Variants in FBXL17 observed in about 807,000 individuals in gnomAD.
FBXL17 encodes F-box/LRR-repeat protein 17.
Under a neutral mutation model 66.2 loss-of-function variants are expected in FBXL17, and 22 were observed. The ratio of observed to expected loss-of-function variants is 0.33; its 90% confidence interval spans 0.24 to 0.47. The LOEUF (loss-of-function observed/expected upper bound fraction) is 0.47, where lower values mean the gene tolerates loss of function less well. Among genes scored for constraint, FBXL17 ranks in the 20% least tolerant of loss-of-function variants. The pLI is 1.00. For synonymous variants in FBXL17, 474 were observed against 400.5 expected, an observed-to-expected ratio of 1.18 and a Z score of -2.19; for missense variants, 878 against 948.2, an observed-to-expected ratio of 0.93 and a Z score of 0.97.
chr5:108,121,180 T>C (rs922497776), intron 6 of FBXL17, among the ~76,000 whole-genome samples: 3 of 151,454 alleles, frequency 2.0e-5, no homozygotes, highest in Non-Finnish European at 4.4e-5. Flanking sequence ...ATACAAAAAT[T>C]AGCTAGGCAT....
chr5:108,376,878 C>T (rs555324377), intron 1 of FBXL17, among the ~76,000 whole-genome samples: 12 of 150,016 alleles, frequency 8.0e-5, no homozygotes, highest in South Asian at 6.3e-4. Flanking sequence ...CCTCCACCCA[C>T]GGGTTCAAGC....
chr5:107,876,305 C>T (rs999444464), intron 8 of FBXL17, among the ~76,000 whole-genome samples: 4 of 152,228 alleles, frequency 2.6e-5, no homozygotes, highest in Admixed American at 1.3e-4. Flanking sequence ...ATACCCCAGA[C>T]GCTGGCATTT....
At chr5:108,167,238 A>G (rs1462117202) in intron 6 of FBXL17, among the ~76,000 whole-genome samples, 4 of 152,216 alleles carry the variant, frequency 2.6e-5, no homozygotes, top group Non-Finnish European at 2.9e-5. Flanking sequence ...TAGCGTCTTT[A>G]CAAAGTTTGA....
intron 4 of FBXL17, among the ~76,000 whole-genome samples, chr5:108,260,357 G>T (rs1159215202): frequency 6.6e-6 from 1 of 152,040 alleles, no homozygotes; most frequent in African/African-American, 2.4e-5. Flanking sequence ...ACCAGAGGCT[G>T]GTCATCCGCC....
At chr5:108,297,569 A>T (rs1388773780) in intron 4 of FBXL17, among the ~76,000 whole-genome samples, 1 of 151,720 alleles carries the variant, frequency 6.6e-6, no homozygotes, top group Non-Finnish European at 1.5e-5. Context: ...TTAACTGTTT[A>T]TTCTGTGCAG....
chr5:108,180,432 G>T (rs1423662524), intron 6 of FBXL17, among the ~76,000 whole-genome samples: 1 of 151,956 alleles, frequency 6.6e-6, no homozygotes, highest in African/African-American at 2.4e-5. Context: ...CTTGAGCCCG[G>T]GAAGCAGAGG....
At chr5:108,138,999 C>G (rs77624130) in intron 6 of FBXL17, among the ~76,000 whole-genome samples, 1 of 152,214 alleles carries the variant, frequency 6.6e-6, no homozygotes, top group African/African-American at 2.4e-5. Flanking sequence ...GCAAGATAAT[C>G]ATTTATCAGG....
At chr5:108,299,018 C>T (rs1233417325) in intron 4 of FBXL17, 2 of 978,656 alleles carry the variant, frequency 2.0e-6, no homozygotes, top group Admixed American at 1.2e-4. Flanking sequence ...TACCTAGCTG[C>T]CAATATGGAT....
intron 6 of FBXL17, among the ~76,000 whole-genome samples, chr5:108,173,217 A>T (rs1207223095): frequency 6.6e-6 from 1 of 152,202 alleles, no homozygotes; most frequent in Non-Finnish European, 1.5e-5. Context: ...ATATATCCTT[A>T]TAAAAAGCAC....
At chr5:108,211,480 T>A (rs146125784) in intron 5 of FBXL17, among the ~76,000 whole-genome samples, 1 of 152,228 alleles carries the variant, frequency 6.6e-6, no homozygotes, top group Non-Finnish European at 1.5e-5. Flanking sequence ...CTCCTTTCCA[T>A]GTTTAGTGCT....
chr5:107,984,992 T>C (rs990316542), intron 7 of FBXL17, among the ~76,000 whole-genome samples: 1 of 152,196 alleles, frequency 6.6e-6, no homozygotes, highest in African/African-American at 2.4e-5. Context: ...GTGTATACAA[T>C]AACCTACTAT....
intron 4 of FBXL17, among the ~76,000 whole-genome samples, chr5:108,309,173 G>A (rs1758996256): frequency 6.6e-6 from 1 of 151,994 alleles, no homozygotes; most frequent in Non-Finnish European, 1.5e-5. Flanking sequence ...TAAAATGATG[G>A]TATAATCTGT....
chr5:108,086,056 T>C (rs1227402558), intron 6 of FBXL17, among the ~76,000 whole-genome samples: 1 of 152,206 alleles, frequency 6.6e-6, no homozygotes, highest in African/African-American at 2.4e-5. Context: ...AATCAGAATT[T>C]CTTTCCACCA....
chr5:108,247,685 G>C (rs78072668), intron 4 of FBXL17, among the ~76,000 whole-genome samples: 3,758 of 152,096 alleles, frequency 0.025, 151 homozygotes, highest in African/African-American at 0.085. Flanking sequence ...AAGTTTTGAG[G>C]ATATTTTAAT....
chr5:108,193,965 C>G (rs894203825), intron 5 of FBXL17, among the ~76,000 whole-genome samples: 3 of 152,048 alleles, frequency 2.0e-5, no homozygotes, highest in African/African-American at 7.2e-5. Context: ...TTTTACGGCC[C>G]GCTTCTCCTC....
At chr5:108,100,593 T>C (rs1337809254) in intron 6 of FBXL17, among the ~76,000 whole-genome samples, 1 of 152,182 alleles carries the variant, frequency 6.6e-6, no homozygotes, top group Non-Finnish European at 1.5e-5. Flanking sequence ...GCTGGTTTTA[T>C]AACACAGAAT....
intron 5 of FBXL17, among the ~76,000 whole-genome samples, chr5:108,191,446 A>T (rs144242798): frequency 6.5e-4 from 99 of 152,346 alleles, no homozygotes; most frequent in Middle Eastern, 3.4e-3. Context: ...AAAATATCAC[A>T]TATCAACAAG....
intron 4 of FBXL17, among the ~76,000 whole-genome samples, chr5:108,320,629 G>C (rs1343327356): frequency 6.6e-6 from 1 of 151,624 alleles, no homozygotes; most frequent in Non-Finnish European, 1.5e-5. Context: ...TAAATCTGAG[G>C]GAAGGCTCAA....
rs529774615 is a variant in FBXL17, at chr5:108,106,126, T to C, written c.1745+79991A>G. Among the ~76,000 whole-genome samples the C allele has an allele frequency of 2.6e-5, 4 of 152,272 alleles. No individual in the cohort carries two copies. The East Asian group carries it at 5.8e-4, about 22-fold the overall frequency. ...ATTCTTCTAAGTTTAGGGCTCTTTC[T>C]ACCATACCAGAGGTACCATCTCCAC... On this transcript the variant is annotated intron_variant, in intron 6 of 8. Transcript: ENST00000542267.
Sources: gnomAD v4.1 joint callset for allele counts (sites outside exome capture counted in the v4.1 genomes callset) on GRCh38, gnomAD v4.1.1 for gene constraint, MANE v1.5 for transcripts, NCBI Gene and HGNC (gene_info 2026-07-23, HGNC 2026-07-21) for gene names.